POTEF: variants seen among roughly 807,000 people sequenced by gnomAD.
POTEF encodes POTE ankyrin domain family member F, also known as ANKRD26-like family C member 1B.
A neutral mutation model predicts 83.2 loss-of-function variants in POTEF; 20 were observed. The observed-to-expected ratio is 0.24, with a 90% CI of 0.17 to 0.35. The LOEUF (loss-of-function observed/expected upper bound fraction) is 0.35. POTEF is among the 10% of genes least tolerant of loss of function. POTEF has a pLI of 1.00. For missense variants in POTEF, 550 were observed against 1,203.2 expected (o/e 0.46, Z 8.03); for synonymous variants, 196 against 446.4 (o/e 0.44, Z 7.07).
intron 12 of POTEF, among the ~76,000 whole-genome samples, chr2:130,093,181 G>T (rs1261536371): frequency 7.4e-6 from 1 of 135,548 alleles, no homozygotes; most frequent in Non-Finnish European, 1.6e-5. Flanking sequence ...CCCCAGAAGG[G>T]ACCATCTAGT....
At chr2:130,110,418 C>T in intron 7 of POTEF, 125 bp downstream of exon 7, 3 of 1,588,948 alleles carry the variant, frequency 1.9e-6, no homozygotes, top group Non-Finnish European at 2.6e-6. Context: ...GGGACTAAAA[C>T]TCACTGCCAC....
intron 15 of POTEF, among the ~76,000 whole-genome samples, chr2:130,080,257 T>C (rs1361201349): frequency 3.3e-5 from 4 of 119,466 alleles, no homozygotes; most frequent in African/African-American, 1.3e-4. Flanking sequence ...AATGATCTCG[T>C]AAATTTTCTT....
intron 3 of POTEF, among the ~76,000 whole-genome samples, chr2:130,115,584 C>CT (rs1469573824): frequency 1.3e-5 from 2 of 152,134 alleles, no homozygotes. Context: ...ACTTGAAGCT[C>CT]TGTCACTTCC....
chr2:130,121,003 TTAC>T, intron 2 of POTEF: 1 of 228,662 alleles, frequency 4.4e-6, no homozygotes, highest in African/African-American at 2.9e-5. Context: ...AGCCAAGCCG[TTAC>T]GCGCGTGCGG....
Position 130,075,184 on chromosome 2 carries a change from C to A in POTEF, c.2288G>T (p.Gly763Val), listed in dbSNP as rs763150115. The A allele has an allele frequency of 1.2e-5, 19 of 1,612,946 alleles. No homozygotes were observed. The East Asian group carries it at 3.6e-4, about 30-fold the overall frequency. ...CATGGGGTACTTCAGGGTCAGGATG[C>A]CTCTTTTGCTCTGGGCCTCCTTGCC... is the stretch of plus-strand genomic sequence containing the variant. ...YVGKEAQSKR[G>V]ILTLKYPMEH... The change falls in exon 17 of 17, where the codon GGC becomes GTC. Residue 763 changes from glycine (G) to valine (V), a missense_variant. Physicochemically the swap from Gly to Val is moderately radical, Grantham distance 109 (BLOSUM62 -3). Coordinates refer to ENST00000409914, the MANE Select transcript of POTEF (RefSeq NM_001099771.2).
intron 12 of POTEF, among the ~76,000 whole-genome samples, chr2:130,093,043 A>C (rs1395742201): frequency 6.9e-6 from 1 of 143,912 alleles, no homozygotes; most frequent in East Asian, 2.1e-4. Context: ...GTCTCCAGTC[A>C]GATCAGTGAT....
chr2:130,113,341 C>CGGGGGA (rs374586386), intron 5 of POTEF, among the ~76,000 whole-genome samples: 2 of 80,970 alleles, frequency 2.5e-5, no homozygotes, highest in Admixed American at 3.2e-4. Context: ...GACCCCATCT[C>CGGGGGA]AAAAAAAAAA....
At chr2:130,120,722 C>T in intron 2 of POTEF, 114 bp from the exon 3 acceptor site, 2 of 932,848 alleles carry the variant, frequency 2.1e-6, no homozygotes, top group South Asian at 1.8e-5. Context: ...AAGCCCACGC[C>T]CCCCCTGGGC....
rs773911945 is a variant in POTEF, at chr2:130,075,061, A to G, written c.2411T>C (p.Leu804Pro). Residue 804 changes from leucine to proline, a missense_variant, in exon 17 of 17, where the codon CTG becomes CCG. Physicochemically the swap from Leu to Pro is moderately conservative, Grantham distance 98. Coordinates refer to ENST00000409914, the MANE Select transcript of POTEF (RefSeq NM_001099771.2). ...AGGGTTCAGGGTGGCCTCGGTCAGC[A>G]GGACGGGGTGCTCCTCGGGAGCCAC... The part of the protein sequence containing the change: ...LRVAPEEHPV[L>P]LTEATLNPKA... The G allele has an allele frequency of 5.0e-6, 8 of 1,613,740 alleles. 1 individual carries two copies. The South Asian group carries it at 8.8e-5, about 18-fold the overall frequency.
At chr2:130,123,544 T>C (rs1282875250) in intron 2 of POTEF, among the ~76,000 whole-genome samples, 2 of 151,978 alleles carry the variant, frequency 1.3e-5, no homozygotes, top group African/African-American at 4.9e-5. Flanking sequence ...TGTATAAAAA[T>C]AATCCTAATT....
chr2:130,113,853 T>C (rs1185273852), intron 5 of POTEF, among the ~76,000 whole-genome samples: 1 of 151,396 alleles, frequency 6.6e-6, no homozygotes, highest in Non-Finnish European at 1.5e-5. Flanking sequence ...CCAATTCCCT[T>C]TCTCATTTGA....
At chr2:130,114,062 C>T (rs1308701104) in intron 5 of POTEF, among the ~76,000 whole-genome samples, 7 of 151,886 alleles carry the variant, frequency 4.6e-5, no homozygotes, top group Non-Finnish European at 1.0e-4. Flanking sequence ...CCATTTCTAC[C>T]AGAATAGGAT....
At chr2:130,102,513 A>T (rs2104802007) in intron 8 of POTEF, among the ~76,000 whole-genome samples, 1 of 143,308 alleles carries the variant, frequency 7.0e-6, no homozygotes. Flanking sequence ...AGAAAAGGAA[A>T]TTTAGTTTTA....
chr2:130,125,644 C>A (rs1488098502), intron 2 of POTEF, among the ~76,000 whole-genome samples: 1 of 151,972 alleles, frequency 6.6e-6, no homozygotes, highest in Non-Finnish European at 1.5e-5. Flanking sequence ...GGTTGTGAAT[C>A]TTTGCCTTAA....
At chr2:130,075,777 AT>A (rs1269567956) in intron 16 of POTEF, among the ~76,000 whole-genome samples, 5 of 146,490 alleles carry the variant, frequency 3.4e-5, no homozygotes, top group Non-Finnish European at 7.5e-5. Flanking sequence ...TTAAATAAAT[AT>A]TTAAACTTTT....
chr2:130,105,608 C>G (rs1684504236), intron 8 of POTEF, among the ~76,000 whole-genome samples: 1 of 150,512 alleles, frequency 6.6e-6, no homozygotes, highest in Admixed American at 6.6e-5. Flanking sequence ...GTGGCTTTCA[C>G]ACTACAACAG....
At chr2:130,126,850 A>G (rs1216050538) in intron 2 of POTEF, among the ~76,000 whole-genome samples, 1 of 152,020 alleles carries the variant, frequency 6.6e-6, no homozygotes, top group Non-Finnish European at 1.5e-5. Flanking sequence ...CAAGAATAGA[A>G]ACATGAAATA....
intron 7 of POTEF, among the ~76,000 whole-genome samples, chr2:130,110,121 T>C (rs950329799): frequency 2.0e-5 from 3 of 151,520 alleles, no homozygotes; most frequent in African/African-American, 7.3e-5. Context: ...TTGGATTTAG[T>C]GAACTCCTTC....
At chr2:130,127,366 C>A (rs1400627166) in intron 2 of POTEF, among the ~76,000 whole-genome samples, 1 of 139,456 alleles carries the variant, frequency 7.2e-6, no homozygotes, top group Admixed American at 7.1e-5. Flanking sequence ...CACACACACA[C>A]ACACAGTCAC....
Sources: gnomAD v4.1 joint callset for allele counts (sites outside exome capture counted in the v4.1 genomes callset) on GRCh38, gnomAD v4.1.1 for gene constraint, MANE v1.5 for transcripts, NCBI Gene and HGNC (gene_info 2026-07-23, HGNC 2026-07-21) for gene names.